KIAA1671: variants seen among roughly 807,000 people sequenced by gnomAD.
KIAA1671 encodes uncharacterized protein KIAA1671.
In KIAA1671, 52 loss-of-function variants were observed where a neutral mutation model predicts 131.2. The ratio of observed to expected loss-of-function variants is 0.40; its 90% CI spans 0.32 to 0.50. The LOEUF is 0.50. Ranked by LOEUF, KIAA1671 falls within the 20% of genes least tolerant of loss-of-function variation. KIAA1671 has a pLI of 0.73. For missense variants in KIAA1671, 2,360 were observed against 2,364.2 expected, an observed-to-expected ratio of 1.00 and a Z score of 0.04; for synonymous variants, 1,003 against 961.6, an observed-to-expected ratio of 1.04 and a Z score of -0.80.
chr22:24,984,214 C>T (rs1426537334), intron 1 of KIAA1671, among the ~76,000 whole-genome samples: 2 of 152,060 alleles, frequency 1.3e-5, no homozygotes, highest in African/African-American at 4.8e-5. Context: ...TAAGGGTTAC[C>T]CCCAAGCACA....
At chr22:25,002,445 G>A (rs921197035) in intron 1 of KIAA1671, among the ~76,000 whole-genome samples, 2 of 152,182 alleles carry the variant, frequency 1.3e-5, no homozygotes, top group African/African-American at 4.8e-5. Context: ...CCCAGAGGAA[G>A]GAGGGAGCTG....
chr22:25,094,154 T>C (rs1407547266), intron 6 of KIAA1671, among the ~76,000 whole-genome samples: 1 of 152,062 alleles, frequency 6.6e-6, no homozygotes, highest in Non-Finnish European at 1.5e-5. Flanking sequence ...CTGTCAAAGC[T>C]CCAAACAGGG....
At chr22:24,998,264 A>G (rs1248329402) in intron 1 of KIAA1671, among the ~76,000 whole-genome samples, 1 of 152,092 alleles carries the variant, frequency 6.6e-6, no homozygotes, top group Admixed American at 6.6e-5. Flanking sequence ...ACAACAAAAA[A>G]TTAGACGGGC....
At chr22:25,161,455 CAG>C (rs1296585052) in intron 6 of KIAA1671, among the ~76,000 whole-genome samples, 1 of 152,220 alleles carries the variant, frequency 6.6e-6, no homozygotes, top group Admixed American at 6.5e-5. Context: ...ACAGCTCAGA[CAG>C]GGGCCTGTGG....
At chr22:25,135,376 C>CG (rs1444631716) in intron 6 of KIAA1671, among the ~76,000 whole-genome samples, 2 of 152,076 alleles carry the variant, frequency 1.3e-5, no homozygotes, top group Admixed American at 1.3e-4. Flanking sequence ...TTAGTAGAGA[C>CG]GGGGTTTCAC....
At chr22:25,027,923 T>G in intron 2 of KIAA1671, 22 bp from the exon 3 acceptor site, 1 of 1,123,514 alleles carries the variant, frequency 8.9e-7, no homozygotes, top group Non-Finnish European at 1.2e-6. Flanking sequence ...AATTTACTTG[T>G]TTGTTTGTTT....
intron 10 of KIAA1671, 89 bp from the exon 11 acceptor site, chr22:25,184,888 G>C: frequency 1.3e-6 from 2 of 1,488,860 alleles, no homozygotes; most frequent in Non-Finnish European, 9.2e-7. Context: ...AGTGTTTGCA[G>C]AAGGCTCATT....
At chr22:25,019,708 T>C (rs1925556822) in intron 1 of KIAA1671, among the ~76,000 whole-genome samples, 3 of 152,112 alleles carry the variant, frequency 2.0e-5, no homozygotes. Context: ...TCCCTTCTGC[T>C]TCCCCTACCA....
At chr22:24,978,467 C>G (rs2103586) in intron 1 of KIAA1671, among the ~76,000 whole-genome samples, 68,999 of 151,840 alleles carry the variant, frequency 0.45, 17,715 homozygotes, top group East Asian at 0.78. Context: ...GACTCGTACA[C>G]CAGGCATTAT....
chr22:25,033,594 T>TTTTTG, intron 4 of KIAA1671, among the ~76,000 whole-genome samples: 1 of 139,386 alleles, frequency 7.2e-6, no homozygotes, highest in Non-Finnish European at 1.5e-5. Context: ...TTTTTTTTTT[T>TTTTTG]TTTTGATGGA....
intron 1 of KIAA1671, chr22:25,013,344 TCTG>T (rs1224488061): frequency 5.9e-5 from 9 of 152,082 alleles, no homozygotes; most frequent in African/African-American, 2.2e-4. Context: ...GTGGTCAGGG[TCTG>T]CTGTATTGAC....
At chr22:25,071,117 G>A (rs948724880) in intron 6 of KIAA1671, among the ~76,000 whole-genome samples, 2 of 152,192 alleles carry the variant, frequency 1.3e-5, no homozygotes, top group Non-Finnish European at 2.9e-5. Flanking sequence ...TAAGGAGTGG[G>A]TGTAGGTGAT....
At chr22:24,988,280 CA>C (rs59935051) in intron 1 of KIAA1671, among the ~76,000 whole-genome samples, 7,143 of 89,220 alleles carry the variant, frequency 0.08, 526 homozygotes, top group African/African-American at 0.23. Flanking sequence ...AACTCCATCT[CA>C]AAAAAAAAAA....
At chr22:25,127,312 C>T (rs192339430) in intron 6 of KIAA1671, among the ~76,000 whole-genome samples, 92 of 152,346 alleles carry the variant, frequency 6.0e-4, no homozygotes, top group African/African-American at 2.1e-3. Flanking sequence ...TTTGCACAAG[C>T]TGTTCCCTCT....
Position 25,028,807 on chromosome 22 carries a change from A to T in KIAA1671, c.808A>T (p.Thr270Ser), listed in dbSNP as rs1220969577. The change falls in exon 3 of 13, where the codon ACC becomes TCC. Residue 270 changes from threonine (T) to serine (S), a missense_variant. Transcript: ENST00000358431. ...GGCCACAGTGGGCAAAGTGCCACCC[A>T]CCCCTCCCGAGAAGACGTGGGTGAG... ...AAATVGKVPP[T>S]PPEKTWVRKP... is the part of the protein sequence containing the mutation. 6.4e-7 allele frequency: 1 copy of T among 1,550,684 alleles called. No individual in the cohort carries two copies. Among genetic ancestry groups the T allele is most frequent in the Admixed American group, 2.0e-5 (1 of 50,946 alleles).
chr22:25,088,252 C>T lies in KIAA1671; in HGVS notation c.4530+38888C>T, dbSNP rs566780785. 1.2e-3 allele frequency among the ~76,000 whole-genome samples: 189 copies of T among 152,132 alleles called. 3 individuals carry two copies. The South Asian group carries it at 0.018, about 15-fold the overall frequency. On this transcript the variant is annotated intron_variant, in intron 6 of 12. Coordinates refer to ENST00000358431, the MANE Select transcript of KIAA1671 (RefSeq NM_001145206.2). ...CCTCCTGAGTAACTGGGATTACAGGCGTGCACCACCACACCCAGCTAATTT... is the reference window on the plus strand; with the variant it reads ...CCTCCTGAGTAACTGGGATTACAGGTGTGCACCACCACACCCAGCTAATTT...
intron 8 of KIAA1671, chr22:25,175,807 G>A (rs1934003214): frequency 6.6e-6 from 1 of 152,186 alleles, no homozygotes; most frequent in Non-Finnish European, 1.5e-5. Context: ...AGTGGCCATG[G>A]AGTGACTCTA....
At chr22:24,983,574 A>G (rs1923342074) in intron 1 of KIAA1671, among the ~76,000 whole-genome samples, 1 of 151,412 alleles carries the variant, frequency 6.6e-6, no homozygotes, top group Non-Finnish European at 1.5e-5. Flanking sequence ...AAGAAGGGCC[A>G]TTAAAGCTCA....
At chr22:25,008,329 T>C (rs984899222) in intron 1 of KIAA1671, among the ~76,000 whole-genome samples, 2 of 152,050 alleles carry the variant, frequency 1.3e-5, no homozygotes, top group African/African-American at 4.8e-5. Context: ...TTGTCTGCCC[T>C]GCCTCAGCTC....
Sources: allele counts gnomAD v4.1 joint callset (sites outside exome capture counted in the v4.1 genomes callset), GRCh38; gene constraint gnomAD v4.1.1; transcripts MANE v1.5; gene names NCBI Gene and HGNC (gene_info 2026-07-23, HGNC 2026-07-21).